The following SAMMSON variants were observed in gnomAD, a reference collection of about 807,000 sequenced individuals.
SAMMSON encodes the protein long intergenic non-protein coding RNA 1212.
intron 7 of SAMMSON, among the ~76,000 whole-genome samples, chr3:70,345,998 G>A (rs537483370): frequency 2.0e-4 from 30 of 152,288 alleles, no homozygotes; most frequent in South Asian, 4.1e-4. Flanking sequence ...TAAATACCAA[G>A]GAGCACAATT....
chr3:70,092,470 C>T (rs2067308342), intron 4 of SAMMSON, among the ~76,000 whole-genome samples: 4 of 141,982 alleles, frequency 2.8e-5, no homozygotes, highest in South Asian at 2.2e-4. Flanking sequence ...ATAAAGCTTT[C>T]GTCTCATTGT....
intron 3 of SAMMSON, among the ~76,000 whole-genome samples, chr3:70,055,120 A>G (rs1177976533): frequency 6.6e-6 from 1 of 152,116 alleles, no homozygotes; most frequent in Non-Finnish European, 1.5e-5. Flanking sequence ...GACTGATGCA[A>G]CATTTGAGAT....
intron 7 of SAMMSON, among the ~76,000 whole-genome samples, chr3:70,345,724 G>T (rs183495344): frequency 5.3e-5 from 8 of 151,566 alleles, no homozygotes; most frequent in African/African-American, 1.9e-4. Flanking sequence ...AGAATATCAT[G>T]CAATTGGAAT....
At chr3:70,145,205 T>C (rs1403801433) in intron 4 of SAMMSON, among the ~76,000 whole-genome samples, 1 of 152,058 alleles carries the variant, frequency 6.6e-6, no homozygotes, top group Non-Finnish European at 1.5e-5. Flanking sequence ...TCAAAATTCC[T>C]GAAGCAAAAA....
chr3:70,255,630 T>C (rs1701808855), intron 6 of SAMMSON, among the ~76,000 whole-genome samples: 1 of 152,098 alleles, frequency 6.6e-6, no homozygotes, highest in Non-Finnish European at 1.5e-5. Context: ...CCTGGCTATT[T>C]TTTTTTCCTG....
chr3:70,067,814 C>T (rs1160361689), intron 3 of SAMMSON, among the ~76,000 whole-genome samples: 1 of 152,052 alleles, frequency 6.6e-6, no homozygotes, highest in Non-Finnish European at 1.5e-5. Flanking sequence ...GGGTGAATAA[C>T]TCATTGAGGT....
chr3:70,049,828 C>G (rs1367671400), intron 3 of SAMMSON, among the ~76,000 whole-genome samples: 1 of 152,010 alleles, frequency 6.6e-6, no homozygotes, highest in Non-Finnish European at 1.5e-5. Context: ...TCCCTGTGAT[C>G]TCATAGAAAT....
chr3:70,230,377 A>G (rs1281434611), intron 4 of SAMMSON, among the ~76,000 whole-genome samples: 2 of 152,224 alleles, frequency 1.3e-5, no homozygotes, highest in African/African-American at 4.8e-5. Context: ...ATATCCTTTC[A>G]TAAAAATCTG....
At chr3:70,186,394 A>G (rs1454784968) in intron 4 of SAMMSON, among the ~76,000 whole-genome samples, 1 of 151,892 alleles carries the variant, frequency 6.6e-6, no homozygotes, top group Non-Finnish European at 1.5e-5. Flanking sequence ...AATAATTGGG[A>G]CTACAGGTGC....
intron 4 of SAMMSON, among the ~76,000 whole-genome samples, chr3:70,175,316 C>T (rs1033198631): frequency 2.0e-5 from 3 of 152,056 alleles, no homozygotes; most frequent in Non-Finnish European, 4.4e-5. Flanking sequence ...TATGTCCTTC[C>T]TTTCAGTCTG....
intron 9 of SAMMSON, among the ~76,000 whole-genome samples, chr3:70,370,401 G>A (rs1702957999): frequency 6.6e-6 from 1 of 151,756 alleles, no homozygotes; most frequent in South Asian, 2.1e-4. Context: ...TTTCCGTGGT[G>A]GGTTCTAATT....
At chr3:70,233,657 T>C (rs9827915) in intron 4 of SAMMSON, among the ~76,000 whole-genome samples, 12,177 of 152,196 alleles carry the variant, frequency 0.08, 766 homozygotes, top group African/African-American at 0.18. Context: ...TGCATCCCTC[T>C]ACTTCCTTCA....
At chr3:70,192,265 G>T (rs193043907) in intron 4 of SAMMSON, among the ~76,000 whole-genome samples, 55 of 152,284 alleles carry the variant, frequency 3.6e-4, no homozygotes, top group Non-Finnish European at 7.2e-4. Context: ...GGTCCTTCTG[G>T]CAAAGGATTG....
At chr3:70,361,216 T>A (rs1224196276) in intron 9 of SAMMSON, among the ~76,000 whole-genome samples, 1 of 152,178 alleles carries the variant, frequency 6.6e-6, no homozygotes, top group Admixed American at 6.6e-5. Flanking sequence ...TGAGTCATCA[T>A]CCTGGTTGTA....
intron 4 of SAMMSON, among the ~76,000 whole-genome samples, chr3:70,142,467 A>T (rs1272920699): frequency 2.6e-5 from 4 of 152,288 alleles, no homozygotes; most frequent in South Asian, 4.1e-4. Flanking sequence ...GTTCTCACTC[A>T]TAAGTGGGAG....
intron 1 of SAMMSON, chr3:70,009,111 G>C (rs1001200834): frequency 6.6e-6 from 1 of 151,978 alleles, no homozygotes; most frequent in Non-Finnish European, 1.5e-5. Flanking sequence ...TTTTTTTGTT[G>C]TGTCTCTACC....
intron 4 of SAMMSON, among the ~76,000 whole-genome samples, chr3:70,112,882 G>A (rs1175641903): frequency 2.6e-5 from 4 of 152,060 alleles, no homozygotes; most frequent in South Asian, 2.1e-4. Context: ...AGAGTGCTTC[G>A]AATGAGGTCA....
intron 6 of SAMMSON, among the ~76,000 whole-genome samples, chr3:70,269,152 T>C (rs1488999831): frequency 6.6e-6 from 1 of 152,176 alleles, no homozygotes; most frequent in Non-Finnish European, 1.5e-5. Flanking sequence ...GATAAATAGG[T>C]ATTTTTAAAC....
At chr3:70,045,325 A>G (rs996719229) in intron 3 of SAMMSON, among the ~76,000 whole-genome samples, 4 of 150,374 alleles carry the variant, frequency 2.7e-5, no homozygotes, top group African/African-American at 7.3e-5. Flanking sequence ...AGAATCACCC[A>G]TCGAAACAAT....
Sources: gnomAD v4.1 joint callset for allele counts (sites outside exome capture counted in the v4.1 genomes callset) on GRCh38, gnomAD v4.1.1 for gene constraint, MANE v1.5 for transcripts, NCBI Gene and HGNC (gene_info 2026-07-23, HGNC 2026-07-21) for gene names.